SUMF1: variants seen among roughly 807,000 people sequenced by gnomAD.
The protein encoded by SUMF1 is formylglycine-generating enzyme.
SUMF1 carries 48 observed loss-of-function variants against 47.6 expected under a neutral mutation model. The observed-to-expected ratio is 1.01, with a 90% confidence interval of 0.80 to 1.28. The LOEUF is 1.28. Ranked by LOEUF, SUMF1 falls within the 50% of genes most tolerant of loss-of-function variation. SUMF1 has a pLI of 0.00. For missense variants in SUMF1, 571 were observed against 485.4 expected, an observed-to-expected ratio of 1.18 and a Z score of -1.66; for synonymous variants, 230 against 192.1, an observed-to-expected ratio of 1.20 and a Z score of -1.63.
intron 8 of SUMF1, among the ~76,000 whole-genome samples, chr3:4,189,033 T>C (rs1695261009): frequency 1.3e-5 from 2 of 152,156 alleles, no homozygotes; most frequent in South Asian, 4.1e-4. Context: ...TTCTATAGTT[T>C]AAGATACATA....
At position 4,070,426 on chromosome 3, in the gene SUMF1, T is replaced by C. The variant is rs147002177; in HGVS notation, c.1015-1681A>G. On this transcript the variant is annotated intron_variant and NMD_transcript_variant, in intron 8 of 12. Transcript: ENST00000448413. ...GCACCGTGAGAAGCCACAACGTCTCTTTGAACCAGAAATTGCTTCAATCAC... is the reference window on the plus strand; with the variant it reads ...GCACCGTGAGAAGCCACAACGTCTCCTTGAACCAGAAATTGCTTCAATCAC... 1.8e-4 allele frequency among the ~76,000 whole-genome samples: 27 copies of C among 152,290 alleles called. No homozygotes were observed. The East Asian group carries it at 4.6e-3, about 26-fold the overall frequency.
chr3:4,408,048 G>A (rs867845955), intron 7 of SUMF1, among the ~76,000 whole-genome samples: 10 of 152,176 alleles, frequency 6.6e-5, no homozygotes, highest in African/African-American at 2.2e-4. Flanking sequence ...CCTTTCCAGA[G>A]ACACATCACA....
chr3:4,416,002 G>T (rs1250674277), intron 6 of SUMF1, among the ~76,000 whole-genome samples: 1 of 152,114 alleles, frequency 6.6e-6, no homozygotes, highest in East Asian at 1.9e-4. Context: ...ATAAATTTCT[G>T]TTGTTTACAA....
chr3:4,389,766 C>A (rs1245458376), intron 7 of SUMF1, among the ~76,000 whole-genome samples: 1 of 152,100 alleles, frequency 6.6e-6, no homozygotes, highest in African/African-American at 2.4e-5. Context: ...ATACACTGAG[C>A]TTTTTAGTTT....
At chr3:4,395,287 C>A (rs1418566733) in intron 7 of SUMF1, among the ~76,000 whole-genome samples, 1 of 152,136 alleles carries the variant, frequency 6.6e-6, no homozygotes, top group Non-Finnish European at 1.5e-5. Context: ...ACCCAAAGTA[C>A]ATATTTGTGA....
intron 8 of SUMF1, among the ~76,000 whole-genome samples, chr3:4,133,273 T>G (rs772318254): frequency 1.6e-4 from 24 of 152,104 alleles, no homozygotes; most frequent in Non-Finnish European, 3.1e-4. Flanking sequence ...TGTAATAGTA[T>G]TTGGGTTGGG....
chr3:4,115,021 C>A (rs1289878324), intron 8 of SUMF1, among the ~76,000 whole-genome samples: 1 of 151,144 alleles, frequency 6.6e-6, no homozygotes, highest in Non-Finnish European at 1.5e-5. Flanking sequence ...CTTTTGCCCC[C>A]AAATGTTGCA....
intron 8 of SUMF1, among the ~76,000 whole-genome samples, chr3:4,189,513 C>G (rs1423325369): frequency 6.6e-6 from 1 of 152,050 alleles, no homozygotes; most frequent in Non-Finnish European, 1.5e-5. Flanking sequence ...GATACCTGAA[C>G]AAGATCATGC....
At chr3:4,425,107 GA>G (rs1011321591) in intron 3 of SUMF1, among the ~76,000 whole-genome samples, 5 of 151,928 alleles carry the variant, frequency 3.3e-5, no homozygotes, top group South Asian at 2.1e-4. Flanking sequence ...GATAATTAGG[GA>G]AAAAAAGATT....
At chr3:4,352,305 C>A (rs928291199) in intron 8 of SUMF1, among the ~76,000 whole-genome samples, 20 of 152,198 alleles carry the variant, frequency 1.3e-4, no homozygotes, top group African/African-American at 3.4e-4. Context: ...AGTTCCCCCC[C>A]AAAAACTACT....
intron 8 of SUMF1, among the ~76,000 whole-genome samples, chr3:4,189,747 C>T (rs565381817): frequency 6.6e-6 from 1 of 152,250 alleles, no homozygotes; most frequent in South Asian, 2.1e-4. Context: ...TGGGCTGGCA[C>T]CATCTCCTCC....
chr3:4,242,764 G>C (rs376493372), intron 8 of SUMF1, among the ~76,000 whole-genome samples: 1 of 152,100 alleles, frequency 6.6e-6, no homozygotes, highest in Non-Finnish European at 1.5e-5. Context: ...CCAGGCTTTG[G>C]GATCAGGATG....
In SUMF1 at chr3:4,131,427, C is replaced by A. The variant is rs973137190; in HGVS notation, c.1015-62682G>T. Among the ~76,000 whole-genome samples the A allele has an allele frequency of 2.0e-5, 3 of 152,110 alleles. No individual in the cohort carries two copies. The East Asian group carries it at 5.8e-4, about 29-fold the overall frequency. On this transcript the variant is annotated intron_variant and NMD_transcript_variant, in intron 8 of 12. Transcript: ENST00000448413. ...GCCCTGGTTCTCAAATGGGTCTGCA[C>A]AATATGCAAGCACCACCCAAAAGTG...
intron 8 of SUMF1, among the ~76,000 whole-genome samples, chr3:4,339,958 T>C (rs1338557804): frequency 6.6e-6 from 1 of 151,560 alleles, no homozygotes; most frequent in Non-Finnish European, 1.5e-5. Flanking sequence ...ATACCTGTGG[T>C]CCCAGCCACT....
chr3:4,263,652 C>A (rs1443263166), intron 8 of SUMF1, among the ~76,000 whole-genome samples: 1 of 152,160 alleles, frequency 6.6e-6, no homozygotes, highest in Non-Finnish European at 1.5e-5. Context: ...TATTCTTTGC[C>A]TATAAAATCC....
At chr3:4,376,959 C>T in intron 7 of SUMF1, among the ~76,000 whole-genome samples, 1 of 152,010 alleles carries the variant, frequency 6.6e-6, no homozygotes, top group East Asian at 1.9e-4. Flanking sequence ...CCATGCCCAG[C>T]TAATTTTTAA....
At chr3:4,148,423 A>G (rs1302177171) in intron 8 of SUMF1, among the ~76,000 whole-genome samples, 1 of 152,140 alleles carries the variant, frequency 6.6e-6, no homozygotes, top group East Asian at 1.9e-4. Context: ...TAGGCAGATG[A>G]GCTATTTCCT....
At chr3:4,466,905 T>A (rs756799940) in intron 1 of SUMF1, 71 bp downstream of exon 1, 2 of 1,563,288 alleles carry the variant, frequency 1.3e-6, no homozygotes, top group Non-Finnish European at 8.7e-7. Context: ...ACTAGTGCCT[T>A]GCTTTGCCTA....
At chr3:4,348,157 C>T (rs556944768) in intron 8 of SUMF1, among the ~76,000 whole-genome samples, 31 of 152,112 alleles carry the variant, frequency 2.0e-4, no homozygotes, top group Non-Finnish European at 2.6e-4. Context: ...TGACATTCTT[C>T]ACAGAATTAG....
Sources: gnomAD v4.1 joint callset for allele counts (sites outside exome capture counted in the v4.1 genomes callset) on GRCh38, gnomAD v4.1.1 for gene constraint, MANE v1.5 for transcripts, NCBI Gene and HGNC (gene_info 2026-07-23, HGNC 2026-07-21) for gene names.